Variants in EXD1 observed in about 807,000 individuals in gnomAD.
EXD1 encodes the protein exonuclease 3'-5' domain containing 1.
Under a neutral mutation model 49.1 loss-of-function variants are expected in EXD1, and 63 were observed. The ratio of observed to expected loss-of-function variants is 1.28; its 90% CI spans 1.05 to 1.58. EXD1 has a LOEUF of 1.58. Among genes scored for constraint, EXD1 ranks in the 40% most tolerant of loss-of-function variants. The probability of loss-of-function intolerance (pLI) is 0.00; values close to 1 mark genes in which losing one functional copy is unlikely to be tolerated. For synonymous variants in EXD1, 234 were observed against 239.2 expected (o/e 0.98, Z 0.20); for missense variants, 748 against 666.0 (o/e 1.12, Z -1.36).
At chr15:41,210,373 G>A (rs1226278358) in intron 6 of EXD1, among the ~76,000 whole-genome samples, 1 of 152,180 alleles carries the variant, frequency 6.6e-6, no homozygotes, top group Non-Finnish European at 1.5e-5. Context: ...GTCCCTTAAA[G>A]CCTCGGATTC....
intron 7 of EXD1, among the ~76,000 whole-genome samples, chr15:41,199,757 T>TATATATCATATATAATATATC (rs770690755): frequency 8.0e-5 from 7 of 87,228 alleles, no homozygotes; most frequent in African/African-American, 3.0e-4. Context: ...TTATATATGA[T>TATATATCATATATAATATATC]ACATATATGA....
intron 9 of EXD1, 113 bp from the exon 10 acceptor site, chr15:41,191,698 C>T (rs553335991): frequency 1.0e-4 from 99 of 947,366 alleles, no homozygotes; most frequent in African/African-American, 4.0e-4. Flanking sequence ...AGGACCCACA[C>T]GATAGACCAT....
At chr15:41,195,696 T>C in intron 9 of EXD1, 79 bp downstream of exon 9, 3 of 997,646 alleles carry the variant, frequency 3.0e-6, no homozygotes. Flanking sequence ...AGACTTTCAC[T>C]CATCAGATGA....
intron 7 of EXD1, among the ~76,000 whole-genome samples, chr15:41,203,095 G>A (rs944111268): frequency 6.6e-6 from 1 of 152,152 alleles, no homozygotes; most frequent in South Asian, 2.1e-4. Flanking sequence ...GTTAAGACAT[G>A]CTGTGGGAAA....
chr15:41,230,598 A>G lies in EXD1; in HGVS notation c.-173T>C. On this transcript the variant is annotated 5_prime_UTR_variant, in exon 1 of 12. Transcript: ENST00000458580. Reference sequence around the variant, plus strand: ...TTCCTCGAACTTCAGTCTAGAACTAAAAGAAGAGGGGCTGCAATGAAGGAA... The same window carrying G: ...TTCCTCGAACTTCAGTCTAGAACTAGAAGAAGAGGGGCTGCAATGAAGGAA... 6.3e-7 allele frequency: 1 copy of G among 1,582,476 alleles called. No individual in the cohort carries two copies. Among genetic ancestry groups the G allele is most frequent in the Non-Finnish European group, 8.7e-7 (1 of 1,154,052 alleles).
chr15:41,184,567 T>C lies in EXD1; in HGVS notation c.1083A>G (p.Glu361=), dbSNP rs2046376232. 1 of 1,601,310 alleles carries C rather than the reference T, an allele frequency of 6.2e-7. No individual in the cohort carries two copies. Among genetic ancestry groups the C allele is most frequent in the East Asian group, 2.2e-5 (1 of 44,838 alleles). Residue 361 remains glutamate (E), a synonymous_variant, in exon 12 of 12, where the codon GAA becomes GAG. Transcript: ENST00000458580. Reference sequence around the variant, plus strand: ...TCTGGAAGTCCTTGAGTTGAAGCAGTTCCTCTGGCAGCTCCATACATGTAG... The same window carrying C: ...TCTGGAAGTCCTTGAGTTGAAGCAGCTCCTCTGGCAGCTCCATACATGTAG... ...TEPTCMELPE[E]LLQLKDFQKQ...
Position 41,189,923 on chromosome 15 carries a change from AG to A in EXD1, c.1056+13del. ...GGCAGAAAGGAGGTCCTGAAGACAGAGAGCTGCACCTACCTCAGTGCCTCCA... is the reference window on the plus strand; with the variant it reads ...GGCAGAAAGGAGGTCCTGAAGACAGAAGCTGCACCTACCTCAGTGCCTCCA... On this transcript the variant is annotated intron_variant, in intron 11 of 11. Coordinates refer to ENST00000458580, the MANE Select transcript of EXD1 (RefSeq NM_001286441.2). The A allele has an allele frequency of 1.9e-6, 3 of 1,609,884 alleles. No individual in the cohort carries two copies. The highest frequency in any genetic ancestry group is 2.5e-6 in the Non-Finnish European group (3 of 1,176,666).
chr15:41,212,289 A>C (rs1363648557), intron 6 of EXD1, among the ~76,000 whole-genome samples: 1 of 151,940 alleles, frequency 6.6e-6, no homozygotes, highest in East Asian at 1.9e-4. Context: ...CTCTACTAAA[A>C]ATGTAAAAAA....
intron 5 of EXD1, 28 bp from the exon 6 acceptor site, chr15:41,215,861 A>G (rs1268247417): frequency 1.2e-6 from 2 of 1,606,608 alleles, no homozygotes; most frequent in Non-Finnish European, 8.5e-7. Context: ...CATTAGATAT[A>G]TTTCTCTTCC....
At chr15:41,188,803 C>CTTTT (rs112364138) in intron 11 of EXD1, among the ~76,000 whole-genome samples, 3 of 110,498 alleles carry the variant, frequency 2.7e-5, no homozygotes, top group African/African-American at 3.8e-5. Flanking sequence ...TTTCTTTCTT[C>CTTTT]TTTTTTTTTT....
intron 2 of EXD1, among the ~76,000 whole-genome samples, chr15:41,224,947 A>G (rs1251601694): frequency 6.6e-6 from 1 of 150,634 alleles, no homozygotes; most frequent in East Asian, 1.9e-4. Flanking sequence ...CAGCCTGGAT[A>G]ACAGAGCATG....
At chr15:41,189,029 C>G (rs1343810213) in intron 11 of EXD1, among the ~76,000 whole-genome samples, 1 of 151,634 alleles carries the variant, frequency 6.6e-6, no homozygotes, top group Non-Finnish European at 1.5e-5. Context: ...GTCTCAAACT[C>G]CTGACCTCAG....
intron 3 of EXD1, among the ~76,000 whole-genome samples, chr15:41,217,551 G>A (rs1010197386): frequency 1.0e-5 from 1 of 96,056 alleles, no homozygotes; most frequent in African/African-American, 7.8e-5. Flanking sequence ...TTTTTTTTGA[G>A]ATGAAGTCTC....
intron 1 of EXD1, 42 bp downstream of exon 1, chr15:41,230,437 C>T: frequency 1.3e-6 from 2 of 1,595,984 alleles, no homozygotes; most frequent in East Asian, 2.2e-5. Context: ...CAAAATTTCT[C>T]ATTTTTAAGA....
intron 2 of EXD1, among the ~76,000 whole-genome samples, chr15:41,222,533 T>C (rs1236234158): frequency 1.3e-5 from 2 of 152,222 alleles, no homozygotes; most frequent in Non-Finnish European, 2.9e-5. Context: ...GTTGAATCTT[T>C]TATGTTTTTA....
Position 41,226,413 on chromosome 15 carries a change from G to T in EXD1, c.133+30C>A, listed in dbSNP as rs775110992. On this transcript the variant is annotated intron_variant, in intron 2 of 11. Coordinates refer to ENST00000458580, the MANE Select transcript of EXD1 (RefSeq NM_001286441.2). ...AAAGTCAATCACTAATCTCTTAAAA[G>T]GCAGAACATTATAAGAAATAGAACA... 5.9e-6 allele frequency: 9 copies of T among 1,531,336 alleles called. No individual in the cohort carries two copies. The South Asian group carries it at 1.1e-4, about 18-fold the overall frequency. 94.9% of individuals were successfully genotyped at this position (1,531,336 alleles called of 1,614,324 possible).
chr15:41,195,992 C>A lies in EXD1; in HGVS notation c.580G>T (p.Gly194Ter). Residue 194 changes from glycine to a stop codon, truncating the protein, a stop_gained, in exon 8 of 12, where the codon GGA (glycine) becomes TGA (stop). Coordinates refer to ENST00000458580, the MANE Select transcript of EXD1 (RefSeq NM_001286441.2). LOFTEE classifies it high-confidence loss of function. ...AGTCCATTGTGGAAAGCTCGACTTCCCAGAAGGAAAATGTCAAATAAGTAA... is the reference window on the plus strand; with the variant it reads ...AGTCCATTGTGGAAAGCTCGACTTCACAGAAGGAAAATGTCAAATAAGTAA... ...RVYLFDIFLL[G>*]SRAFHNGLQM... 6.2e-7 allele frequency: 1 copy of A among 1,613,196 alleles called. No homozygotes were observed. The highest frequency in any genetic ancestry group is 8.5e-7 in the Non-Finnish European group (1 of 1,179,768).
chr15:41,194,381 G>C (rs1316736026), intron 9 of EXD1, among the ~76,000 whole-genome samples: 1 of 152,078 alleles, frequency 6.6e-6, no homozygotes, highest in African/African-American at 2.4e-5. Flanking sequence ...GTGATGTGAT[G>C]ATGGAAGCAG....
chr15:41,199,697 T>G (rs1055082784), intron 7 of EXD1, among the ~76,000 whole-genome samples: 3 of 38,744 alleles, frequency 7.7e-5, no homozygotes, highest in African/African-American at 2.1e-4. Context: ...ATGAGATATA[T>G]TACATATATC....
Sources: allele counts gnomAD v4.1 joint callset (sites outside exome capture counted in the v4.1 genomes callset), GRCh38; gene constraint gnomAD v4.1.1; transcripts MANE v1.5; gene names NCBI Gene and HGNC (gene_info 2026-07-23, HGNC 2026-07-21).